The following NTNG1 variants were observed in gnomAD, a reference collection of about 807,000 sequenced individuals.
NTNG1 encodes the protein netrin-G1.
Under a neutral mutation model 54.0 loss-of-function variants are expected in NTNG1, and 16 were observed. The observed-to-expected ratio is 0.30, with a 90% confidence interval of 0.20 to 0.45. The LOEUF (loss-of-function observed/expected upper bound fraction) is 0.45. NTNG1 is among the 20% of genes least tolerant of loss of function. The probability of loss-of-function intolerance (pLI) is 1.00; values close to 1 mark genes in which losing one functional copy is unlikely to be tolerated. For missense variants in NTNG1, 530 were observed against 678.7 expected (o/e 0.78, Z 2.43); for synonymous variants, 255 against 263.1 (o/e 0.97, Z 0.30).
At chr1:107,448,043 C>T (rs560624339) in intron 7 of NTNG1, among the ~76,000 whole-genome samples, 3 of 152,198 alleles carry the variant, frequency 2.0e-5, no homozygotes, top group South Asian at 2.1e-4. Context: ...CCAAGGGCCA[C>T]GGTTCAAGAG....
At chr1:107,146,565 A>G (rs1247781333) in intron 1 of NTNG1, among the ~76,000 whole-genome samples, 2 of 152,064 alleles carry the variant, frequency 1.3e-5, no homozygotes, top group Non-Finnish European at 2.9e-5. Context: ...TACCCAGTAT[A>G]GTTTTTAGGT....
chr1:107,353,098 A>T (rs1466433395), intron 3 of NTNG1, among the ~76,000 whole-genome samples: 1 of 152,208 alleles, frequency 6.6e-6, no homozygotes, highest in African/African-American at 2.4e-5. Context: ...ACATTTGCAT[A>T]AGTAAATTAA....
chr1:107,244,843 G>T (rs1662086970), intron 2 of NTNG1, among the ~76,000 whole-genome samples: 1 of 152,168 alleles, frequency 6.6e-6, no homozygotes, highest in Non-Finnish European at 1.5e-5. Flanking sequence ...TTGCACTGGA[G>T]AATTTAGCTG....
intron 7 of NTNG1, chr1:107,455,477 G>A: frequency 2.6e-6 from 1 of 380,842 alleles, no homozygotes; most frequent in South Asian, 1.9e-5. Flanking sequence ...GCAGGAAGGT[G>A]CCCATCTTTT....
chr1:107,422,814 AT>A (rs1012398998), intron 5 of NTNG1, among the ~76,000 whole-genome samples: 2 of 152,146 alleles, frequency 1.3e-5, no homozygotes, highest in African/African-American at 2.4e-5. Context: ...CCAAAAAAAA[AT>A]CTACCTGTTC....
At chr1:107,286,290 T>G (rs75060467) in intron 2 of NTNG1, among the ~76,000 whole-genome samples, 2,199 of 152,284 alleles carry the variant, frequency 0.014, 52 homozygotes, top group African/African-American at 0.05. Context: ...GAGTAAGATC[T>G]GAGGCCCTCT....
intron 5 of NTNG1, among the ~76,000 whole-genome samples, chr1:107,414,899 A>G (rs1425003439): frequency 1.3e-5 from 2 of 152,162 alleles, no homozygotes; most frequent in Non-Finnish European, 2.9e-5. Flanking sequence ...CCTGAGCTCT[A>G]TTTACATGCA....
In NTNG1 at chr1:107,281,410, A is replaced by G. The variant is rs551718847; in HGVS notation, c.247-42872A>G. On this transcript the variant is annotated intron_variant, in intron 2 of 7. Transcript: ENST00000370068. ...CTTCTTCTAAAAAAAAAGAAAAATG[A>G]ATTTGTTTGATTTTGTTTATATTTT... Among the ~76,000 whole-genome samples, 72 of 152,010 alleles carry G rather than the reference A, an allele frequency of 4.7e-4. 1 individual carries two copies. The highest frequency in any genetic ancestry group is 3.5e-4 in the Non-Finnish European group (24 of 68,004).
chr1:107,185,715 C>T (rs1261086329), intron 2 of NTNG1, among the ~76,000 whole-genome samples: 1 of 151,996 alleles, frequency 6.6e-6, no homozygotes, highest in Admixed American at 6.6e-5. Context: ...TTAAAACAGC[C>T]ACAATCATAC....
intron 7 of NTNG1, among the ~76,000 whole-genome samples, chr1:107,443,034 C>T (rs1448464326): frequency 3.3e-5 from 5 of 152,130 alleles, no homozygotes; most frequent in Non-Finnish European, 7.4e-5. Context: ...TGAACAGGCT[C>T]CTATCAGTGA....
At chr1:107,156,658 G>A (rs1173063771) in intron 2 of NTNG1, among the ~76,000 whole-genome samples, 1 of 152,266 alleles carries the variant, frequency 6.6e-6, no homozygotes, top group Non-Finnish European at 1.5e-5. Flanking sequence ...ATGTTTTTAG[G>A]ATGTTGAGCT....
chr1:107,430,214 G>A (rs1675171302), intron 5 of NTNG1, among the ~76,000 whole-genome samples: 2 of 152,066 alleles, frequency 1.3e-5, no homozygotes, highest in African/African-American at 4.8e-5. Flanking sequence ...TTGTTTAGTT[G>A]TCTAGAACTC....
At chr1:107,319,883 A>ATG (rs1667559101) in intron 2 of NTNG1, among the ~76,000 whole-genome samples, 3 of 151,134 alleles carry the variant, frequency 2.0e-5, no homozygotes, top group Non-Finnish European at 4.4e-5. Context: ...ATATATATAT[A>ATG]TAAAACTCTG....
chr1:107,148,336 T>G lies in NTNG1; in HGVS notation c.-258T>G, dbSNP rs2101012021. 1 of 407,494 alleles carries G rather than the reference T, an allele frequency of 2.5e-6. No individual in the cohort carries two copies. The highest frequency in any genetic ancestry group is 4.3e-5 in the East Asian group (1 of 23,314). 25.2% of individuals were successfully genotyped at this position (407,494 alleles called of 1,614,324 possible). A position where few individuals can be genotyped will look rare whatever the true frequency, so the allele number is the denominator to read the frequency against. On this transcript the variant is annotated 5_prime_UTR_variant, in exon 2 of 8. Coordinates refer to ENST00000370068, the MANE Select transcript of NTNG1 (RefSeq NM_001113226.3). ...TCTAAGACAAAGAAAAAGCTGCAAG[T>G]TGTTAACGCCTAACACACAAGTATG...
intron 2 of NTNG1, among the ~76,000 whole-genome samples, chr1:107,301,769 G>A (rs530101857): frequency 1.3e-5 from 2 of 152,188 alleles, no homozygotes; most frequent in Non-Finnish European, 2.9e-5. Flanking sequence ...AGAATTCCAT[G>A]AGAAAGAGTT....
chr1:107,268,891 T>C (rs1402404464), intron 2 of NTNG1, among the ~76,000 whole-genome samples: 2 of 152,174 alleles, frequency 1.3e-5, no homozygotes, highest in African/African-American at 4.8e-5. Context: ...TCACATCCAA[T>C]TTATCAACAG....
intron 5 of NTNG1, among the ~76,000 whole-genome samples, chr1:107,422,891 G>A (rs1268574146): frequency 6.6e-6 from 1 of 152,024 alleles, no homozygotes; most frequent in Admixed American, 6.6e-5. Context: ...TGTAATTATA[G>A]GCAACATGGG....
At chr1:107,368,872 G>A (rs920469485) in intron 3 of NTNG1, among the ~76,000 whole-genome samples, 10 of 152,254 alleles carry the variant, frequency 6.6e-5, no homozygotes, top group African/African-American at 2.4e-4. Context: ...TATTTGAAAT[G>A]TACAATTTGA....
At chr1:107,175,813 T>C (rs1264934401) in intron 2 of NTNG1, among the ~76,000 whole-genome samples, 1 of 152,138 alleles carries the variant, frequency 6.6e-6, no homozygotes, top group Non-Finnish European at 1.5e-5. Context: ...AATTCCAGAT[T>C]CATTTAACAT....
Sources: allele counts gnomAD v4.1 joint callset (sites outside exome capture counted in the v4.1 genomes callset), GRCh38; gene constraint gnomAD v4.1.1; transcripts MANE v1.5; gene names NCBI Gene and HGNC (gene_info 2026-07-23, HGNC 2026-07-21).